Variants in ZSCAN18 observed in about 807,000 individuals in gnomAD.
The protein encoded by ZSCAN18 is zinc finger and SCAN domain-containing protein 18.
In ZSCAN18, 16 loss-of-function variants were observed where a neutral mutation model predicts 31.1. The observed-to-expected ratio is 0.51, with a 90% CI of 0.35 to 0.78. ZSCAN18 has a LOEUF of 0.78. Ranked by LOEUF, ZSCAN18 falls within the 30% of genes least tolerant of loss-of-function variation. The pLI is 0.01. For missense variants in ZSCAN18, 731 were observed against 697.4 expected (o/e 1.05, Z -0.54); for synonymous variants, 375 against 320.7 (o/e 1.17, Z -1.81).
At chr19:58,088,923 G>T in intron 2 of ZSCAN18, 86 bp from the exon 3 acceptor site, 1 of 1,359,318 alleles carries the variant, frequency 7.4e-7, no homozygotes, top group Non-Finnish European at 1.0e-6. Context: ...GGGACCTGCA[G>T]GCTCCAGGGC....
intron 1 of ZSCAN18, among the ~76,000 whole-genome samples, chr19:58,092,952 G>T (rs6510116): frequency 0.77 from 116,720 of 151,644 alleles, 45,070 homozygotes; most frequent in Middle Eastern, 0.82. Flanking sequence ...TTTTTAATTT[G>T]TTTTGTAGAG....
At chr19:58,087,448 G>A in intron 3 of ZSCAN18, 44 bp from the exon 4 acceptor site, 1 of 1,548,912 alleles carries the variant, frequency 6.5e-7, no homozygotes. Context: ...AGCTCCCTGT[G>A]GCCAGGTGCC....
intron 1 of ZSCAN18, chr19:58,109,181 C>A (rs1419383676): frequency 1.6e-6 from 2 of 1,231,308 alleles, no homozygotes; most frequent in East Asian, 3.2e-5. Context: ...CATTCCCAGA[C>A]CTCTCCTAAT....
intron 1 of ZSCAN18, among the ~76,000 whole-genome samples, chr19:58,112,814 G>C (rs892279740): frequency 1.3e-5 from 2 of 151,388 alleles, no homozygotes; most frequent in Admixed American, 6.6e-5. Context: ...AGCCAGGCAT[G>C]GTGGCGGGCA....
chr19:58,109,630 T>C (rs1017723245), intron 1 of ZSCAN18, among the ~76,000 whole-genome samples: 3 of 152,140 alleles, frequency 2.0e-5, no homozygotes, highest in Non-Finnish European at 4.4e-5. Context: ...AAAATATGGG[T>C]ACATTTCTCA....
chr19:58,109,147 T>C, intron 1 of ZSCAN18: 4 of 1,230,080 alleles, frequency 3.3e-6, no homozygotes, highest in Non-Finnish European at 4.1e-6. Context: ...TGGATTTCTA[T>C]GGAGCATTTC....
chr19:58,088,889 C>T, intron 2 of ZSCAN18, 52 bp from the exon 3 acceptor site: 1 of 1,562,074 alleles, frequency 6.4e-7, no homozygotes, highest in Non-Finnish European at 8.7e-7. Flanking sequence ...CACGTGCCAA[C>T]AACAATCACA....
At chr19:58,099,865 A>AT (rs1429251510), upstream of ZSCAN18, among the ~76,000 whole-genome samples, 17 of 150,828 alleles carry the variant, frequency 1.1e-4, no homozygotes, top group Non-Finnish European at 2.2e-4. Flanking sequence ...CACTTTAATG[A>AT]TTTTTTTGGC....
At chr19:58,087,830 G>C (rs1478687028) in intron 3 of ZSCAN18, 2 of 171,644 alleles carry the variant, frequency 1.2e-5, no homozygotes, top group African/African-American at 4.8e-5. Context: ...TGTAGAGATG[G>C]GGTCTCCCTA....
upstream of ZSCAN18, among the ~76,000 whole-genome samples, chr19:58,101,959 T>C (rs1233581902): frequency 2.6e-5 from 4 of 152,154 alleles, no homozygotes; most frequent in African/African-American, 9.7e-5. Context: ...ATATAGGCCT[T>C]CTAAGCAGCC....
At chr19:58,111,224 C>T (rs907345503) in intron 1 of ZSCAN18, among the ~76,000 whole-genome samples, 1 of 152,140 alleles carries the variant, frequency 6.6e-6, no homozygotes, top group Admixed American at 6.6e-5. Flanking sequence ...TCCATTACTA[C>T]AGACTGCTTT....
chr19:58,115,827 A>G (rs1434091374), intron 1 of ZSCAN18, among the ~76,000 whole-genome samples: 1 of 152,156 alleles, frequency 6.6e-6, no homozygotes, highest in African/African-American at 2.4e-5. Flanking sequence ...CATCATGTAC[A>G]TGTTTCTCTC....
intron 4 of ZSCAN18, 117 bp from the exon 5 acceptor site, chr19:58,087,125 A>G: frequency 2.0e-6 from 2 of 1,020,008 alleles, no homozygotes; most frequent in Non-Finnish European, 2.9e-6. Context: ...ACTCTAACCC[A>G]GGTGCACTGC....
At chr19:58,091,554 G>C (rs2074411180) in intron 1 of ZSCAN18, among the ~76,000 whole-genome samples, 1 of 142,874 alleles carries the variant, frequency 7.0e-6, no homozygotes, top group Non-Finnish European at 1.5e-5. Flanking sequence ...TGGGGGGTGG[G>C]GGAGACCACA....
Position 58,106,487 on chromosome 19 carries a change from G to C in ZSCAN18, c.130+11780C>G, listed in dbSNP as rs2146022445. Among the ~76,000 whole-genome samples the C allele has an allele frequency of 2.6e-4, 4 of 15,600 alleles. 2 individuals are homozygous for C. The highest frequency in any genetic ancestry group is 4.9e-4 in the African/African-American group (4 of 8,100). The allele number at this position is 15,600 out of a possible 152,430, so 10.2% of individuals were successfully genotyped here. A position where few individuals can be genotyped will look rare whatever the true frequency, so the allele number is the denominator to read the frequency against. On this transcript the variant is annotated intron_variant, in intron 1 of 1. Coordinates refer to the ZSCAN18 transcript ENST00000595721. ...GGAGGCCGAGGCGGGCGGATCACGA[G>C]GTCAGGAGATCGAGACCATCCCGGC...
rs555572075 is a variant in ZSCAN18, at chr19:58,090,902, T to G, written c.-119-516A>C. 2.2e-4 allele frequency among the ~76,000 whole-genome samples: 33 copies of G among 151,872 alleles called. No homozygotes were observed. The highest frequency in any genetic ancestry group is 2.1e-3 in the Admixed American group (32 of 15,234). ...ACTGCGCCCAGCATCATTACCAGAA[T>G]TTTAAAAAATCAGTCATGAATAGGA... On this transcript the variant is annotated intron_variant, in intron 1 of 6. Coordinates refer to ENST00000601144, the MANE Select transcript of ZSCAN18 (RefSeq NM_001145543.2). This position sits in a 1 kb window ranked among gnomAD's most constrained non-coding sequence, Gnocchi z 4.7.
intron 1 of ZSCAN18, among the ~76,000 whole-genome samples, chr19:58,109,531 T>C (rs1024108286): frequency 6.6e-6 from 1 of 152,174 alleles, no homozygotes; most frequent in Non-Finnish European, 1.5e-5. Flanking sequence ...ACTATCCAAA[T>C]GTCACCAACT....
At chr19:58,095,931 T>C (rs1423470624) in intron 1 of ZSCAN18, among the ~76,000 whole-genome samples, 1 of 152,180 alleles carries the variant, frequency 6.6e-6, no homozygotes, top group Non-Finnish European at 1.5e-5. Context: ...AGCCTCTCCC[T>C]GTTCATCTCC....
intron 1 of ZSCAN18, among the ~76,000 whole-genome samples, chr19:58,104,212 C>T (rs1352733770): frequency 6.6e-6 from 1 of 152,112 alleles, no homozygotes; most frequent in East Asian, 1.9e-4. Flanking sequence ...AACCCCACCT[C>T]TACTAAAAAT....
Sources: allele counts gnomAD v4.1 joint callset (sites outside exome capture counted in the v4.1 genomes callset), GRCh38; gene constraint gnomAD v4.1.1; non-coding constraint Gnocchi (gnomAD v3.1); transcripts MANE v1.5; gene names NCBI Gene and HGNC (gene_info 2026-07-23, HGNC 2026-07-21).